PAX3: variants seen among roughly 807,000 people sequenced by gnomAD.
PAX3 encodes paired box 3.
A neutral mutation model predicts 51.6 loss-of-function variants in PAX3; 14 were observed. That is an observed-to-expected ratio of 0.27 (90% CI 0.18 to 0.42). PAX3 has a LOEUF of 0.42. Among genes scored for constraint, PAX3 ranks in the 10% least tolerant of loss-of-function variants. PAX3 has a pLI of 1.00. For missense variants in PAX3, 540 were observed against 642.8 expected (o/e 0.84, Z 1.73); for synonymous variants, 280 against 253.4 (o/e 1.11, Z -1.00).
intron 4 of PAX3, among the ~76,000 whole-genome samples, chr2:222,254,669 T>C (rs988799996): frequency 3.9e-5 from 6 of 152,250 alleles, no homozygotes; most frequent in Admixed American, 3.9e-4. Flanking sequence ...TTTCATATTG[T>C]TTAATGTTTC....
Position 222,261,921 on chromosome 2 carries a change from G to C in PAX3, c.587-29638C>G, listed in dbSNP as rs2106145454. On this transcript the variant is annotated intron_variant, in intron 4 of 8. Coordinates refer to ENST00000392070, the MANE Select transcript of PAX3 (RefSeq NM_181458.4). ...TTAGTAAAGCAGTTTAAACAAGCAT[G>C]ACAGGCAACCAGTATCCCAATGGGT... is the stretch of plus-strand genomic sequence containing the variant. Among the ~76,000 whole-genome samples the C allele has an allele frequency of 2.0e-5, 3 of 152,338 alleles. No individual in the cohort carries two copies. In the Middle Eastern group the frequency reaches 0.01, roughly 518 times the overall value.
At chr2:222,233,342 G>A (rs1194431547) in intron 4 of PAX3, among the ~76,000 whole-genome samples, 5 of 152,192 alleles carry the variant, frequency 3.3e-5, no homozygotes, top group Middle Eastern at 3.4e-3. Context: ...CAAGAGAAGC[G>A]GGAAGTGGGA....
chr2:222,295,692 G>C (rs986197020), intron 2 of PAX3, 35 bp from the exon 3 acceptor site: 1 of 1,613,188 alleles, frequency 6.2e-7, no homozygotes, highest in Non-Finnish European at 8.5e-7. Flanking sequence ...GTTGGTACCC[G>C]GTACCCTGGG....
intron 4 of PAX3, among the ~76,000 whole-genome samples, chr2:222,237,967 C>T (rs557630745): frequency 3.3e-5 from 5 of 152,250 alleles, no homozygotes; most frequent in Non-Finnish European, 5.9e-5. Context: ...CACCTCTCAC[C>T]GAAGTATTTC....
chr2:222,293,178 G>A (rs1695108074), intron 4 of PAX3, among the ~76,000 whole-genome samples: 1 of 152,140 alleles, frequency 6.6e-6, no homozygotes, highest in Admixed American at 6.5e-5. Flanking sequence ...CCCAGGTGAG[G>A]AAACTTCAGG....
chr2:222,246,114 A>G (rs1006935390), intron 4 of PAX3, among the ~76,000 whole-genome samples: 1 of 152,194 alleles, frequency 6.6e-6, no homozygotes, highest in Non-Finnish European at 1.5e-5. Flanking sequence ...CTCCTCTGAC[A>G]AGGCTTTCTG....
intron 4 of PAX3, among the ~76,000 whole-genome samples, chr2:222,268,504 A>G (rs1176643239): frequency 2.0e-5 from 3 of 151,958 alleles, no homozygotes; most frequent in Admixed American, 6.6e-5. Flanking sequence ...CGCTGTGGCT[A>G]TGCGGTTACC....
chr2:222,201,350 T>A lies in PAX3; in HGVS notation c.*58A>T, dbSNP rs893615899. ...TTTTGTTTTCAGAGCAGATTCTTCATATCTAGGCTGCGAAGACCAGAAACA... is the reference window on the plus strand; with the variant it reads ...TTTTGTTTTCAGAGCAGATTCTTCAAATCTAGGCTGCGAAGACCAGAAACA... On this transcript the variant is annotated 3_prime_UTR_variant, in exon 9 of 9. Coordinates refer to ENST00000392070, the MANE Select transcript of PAX3 (RefSeq NM_181458.4). The A allele has an allele frequency of 3.1e-6, 5 of 1,611,234 alleles. No homozygotes were observed. The South Asian group carries it at 5.5e-5, about 18-fold the overall frequency.
At chr2:222,275,385 T>A (rs971625668) in intron 4 of PAX3, among the ~76,000 whole-genome samples, 1 of 152,110 alleles carries the variant, frequency 6.6e-6, no homozygotes, top group South Asian at 2.1e-4. Context: ...ATACAAAAAA[T>A]TATGCATGCA....
Position 222,289,557 on chromosome 2 carries a change from C to T in PAX3, c.586+4610G>A, listed in dbSNP as rs80098146. ...AATTATTACTCAGTAGAAGCCCCTA[C>T]GTCCTGGTTCCGGTGCTATCAACAA... On this transcript the variant is annotated intron_variant, in intron 4 of 8. Transcript: ENST00000392070. 3.6e-3 allele frequency among the ~76,000 whole-genome samples: 541 copies of T among 152,266 alleles called. 3 individuals carry two copies. The highest frequency in any genetic ancestry group is 0.012 in the African/African-American group (515 of 41,522).
intron 5 of PAX3, among the ~76,000 whole-genome samples, chr2:222,226,121 G>C (rs549219821): frequency 6.6e-6 from 1 of 152,160 alleles, no homozygotes; most frequent in East Asian, 1.9e-4. Context: ...TACTTCAAAT[G>C]CAATTTGAAA....
chr2:222,256,374 C>T lies in PAX3; in HGVS notation c.587-24091G>A, dbSNP rs147290550. Among the ~76,000 whole-genome samples, 488 of 152,166 alleles carry T rather than the reference C, an allele frequency of 3.2e-3. 1 individual carries two copies. Among genetic ancestry groups the T allele is most frequent in the African/African-American group, 9.6e-3 (397 of 41,522 alleles). ...CCTTGATAGGAGCAGGACGTCCTCT[C>T]ATCCCAATAATGCCATCCCTCCCTC... On this transcript the variant is annotated intron_variant, in intron 4 of 8. Transcript: ENST00000392070.
chr2:222,202,131 C>G lies in PAX3; in HGVS notation c.1233G>C (p.Ala411=). ...CCAGACCCCCGGTGAGAGGGGAGAG[C>G]GCGTAATCAGTCTGGGGCTGATGAG... The part of the protein sequence containing the change: ...GVPHQPQTDY[A]LSPLTGGLEP... The change falls in exon 8 of 9, where the codon GCG becomes GCC. Residue 411 remains alanine, a synonymous_variant. Coordinates refer to ENST00000392070, the MANE Select transcript of PAX3 (RefSeq NM_181458.4). 2 of 1,612,508 alleles carry G rather than the reference C, an allele frequency of 1.2e-6. No individual in the cohort carries two copies. The highest frequency in any genetic ancestry group is 1.7e-6 in the Non-Finnish European group (2 of 1,179,312).
chr2:222,282,219 G>A (rs1694671947), intron 4 of PAX3, among the ~76,000 whole-genome samples: 1 of 152,114 alleles, frequency 6.6e-6, no homozygotes, highest in South Asian at 2.1e-4. Context: ...AGGGTTTTGA[G>A]GGGGTTGTAT....
At position 222,239,245 on chromosome 2, in the gene PAX3, C is replaced by T. The variant is rs1281931704; in HGVS notation, c.587-6962G>A. 3.3e-5 allele frequency among the ~76,000 whole-genome samples: 5 copies of T among 152,258 alleles called. No homozygotes were observed. The South Asian group carries it at 8.3e-4, about 25-fold the overall frequency. On this transcript the variant is annotated intron_variant, in intron 4 of 8. Coordinates refer to ENST00000392070, the MANE Select transcript of PAX3 (RefSeq NM_181458.4). ...AATCCATCAGCAGGGCATTTACCCT[C>T]ATTCAGGGTTCTGACACCTGCCTGG...
rs888598014 is a variant in PAX3, at chr2:222,293,507, G to C, written c.586+660C>G. On this transcript the variant is annotated intron_variant, in intron 4 of 8. Transcript: ENST00000392070. The stretch of plus-strand genomic sequence containing the variant: ...GATCTGTACCCCTAGAAGACAGAGG[G>C]TGCCAGCACTCTAAGAACCCAGATC... The C allele has an allele frequency of 2.2e-5, 19 of 867,110 alleles. No individual in the cohort carries two copies. The African/African-American group carries it at 2.5e-4, about 12-fold the overall frequency. 53.7% of individuals were successfully genotyped at this position (867,110 alleles called of 1,614,324 possible).
chr2:222,294,758 G>GC (rs368069047), intron 3 of PAX3, among the ~76,000 whole-genome samples: 28,883 of 86,932 alleles, frequency 0.33, 5,575 homozygotes, highest in Middle Eastern at 0.43. Context: ...ACTTGTCCGC[G>GC]CCCCCCCCCA....
Position 222,202,048 on chromosome 2 carries a change from A to C in PAX3, c.1316T>G (p.Leu439Trp). The C allele has an allele frequency of 6.2e-7, 1 of 1,614,082 alleles. No homozygotes were observed. Among genetic ancestry groups the C allele is most frequent in the South Asian group, 1.1e-5 (1 of 91,080 alleles). The change falls in exon 8 of 9, where the codon TTG (leucine) becomes TGG (tryptophan). Residue 439 changes from leucine to tryptophan, a missense_variant. Physicochemically the swap from Leu to Trp is moderately conservative, Grantham distance 61. This residue lies in a region of PAX3 where 427 missense variants were observed against 483.6 expected (regional missense o/e 0.88). Coordinates refer to ENST00000392070, the MANE Select transcript of PAX3 (RefSeq NM_181458.4). ...GGACTGAGATGTTGGCAGACTGTCC[A>C]AGCTCTTCATATGGTCTAGTCTCTG... ...CSQRLDHMKS[L>W]DSLPTSQSYC...
Position 222,220,206 on chromosome 2 carries a change from G to T in PAX3, c.1107C>A (p.Ser369Arg), listed in dbSNP as rs931413137. 3.1e-6 allele frequency: 5 copies of T among 1,613,982 alleles called. No individual in the cohort carries two copies. The highest frequency in any genetic ancestry group is 4.2e-6 in the Non-Finnish European group (5 of 1,179,974). The part of the protein sequence containing the change: ...TRHGFSSYTD[S>R]FVPPSGPSNP... ...TGGAGGGCCCCGACGGAGGCACAAA[G>T]CTGTCTGTATAGCTGGAAAATCCAT... The change falls in exon 7 of 9, where the codon AGC becomes AGA. Residue 369 changes from serine (S) to arginine (R), a missense_variant. Around this residue, in one of 3 missense-constraint regions of PAX3, gnomAD observed 427 missense variants for 483.6 expected, o/e 0.88. Transcript: ENST00000392070.
Sources: allele counts gnomAD v4.1 joint callset (sites outside exome capture counted in the v4.1 genomes callset), GRCh38; gene constraint gnomAD v4.1.1; regional missense constraint gnomAD v4.1.1; transcripts MANE v1.5; gene names NCBI Gene and HGNC (gene_info 2026-07-23, HGNC 2026-07-21).